Variants in NRXN1 observed in about 807,000 individuals in gnomAD.
The protein encoded by NRXN1 is neurexin-1.
NRXN1 carries 39 observed loss-of-function variants against 150.9 expected under a neutral mutation model. The observed-to-expected ratio is 0.26, with a 90% CI of 0.20 to 0.34. The LOEUF is 0.34. Among genes scored for constraint, NRXN1 ranks in the 10% least tolerant of loss-of-function variants. The probability of loss-of-function intolerance (pLI) is 1.00; values close to 1 mark genes in which losing one functional copy is unlikely to be tolerated. For synonymous variants in NRXN1, 924 were observed against 757.0 expected (o/e 1.22, Z -3.62); for missense variants, 1,815 against 1,949.9 (o/e 0.93, Z 1.30).
intron 2 of NRXN1, among the ~76,000 whole-genome samples, chr2:51,001,706 T>G (rs186956225): frequency 1.1e-4 from 17 of 152,110 alleles, no homozygotes; most frequent in Admixed American, 7.9e-4. Context: ...AACTGTCTCA[T>G]TTCATTCTTG....
At chr2:50,546,558 C>T (rs1241853860) in intron 9 of NRXN1, among the ~76,000 whole-genome samples, 2 of 151,806 alleles carry the variant, frequency 1.3e-5, no homozygotes, top group East Asian at 1.9e-4. Flanking sequence ...ACTCTAACTG[C>T]AACTATATAA....
At chr2:49,959,964 A>AT (rs201274880) in intron 21 of NRXN1, among the ~76,000 whole-genome samples, 2 of 152,050 alleles carry the variant, frequency 1.3e-5, no homozygotes, top group African/African-American at 2.4e-5. Flanking sequence ...ATGCAAATGT[A>AT]TTTTTTTTCC....
chr2:50,029,565 C>T lies in NRXN1; in HGVS notation c.4128+23706G>A, dbSNP rs540286139. 5.3e-5 allele frequency among the ~76,000 whole-genome samples: 8 copies of T among 152,234 alleles called. No homozygotes were observed. The East Asian group carries it at 1.2e-3, about 22-fold the overall frequency. Reference sequence around the variant, plus strand: ...ATGCTCTCCATCCTACACGCAGGAACTAAGGAAAGGCCATGTGGACACACA... The same window carrying T: ...ATGCTCTCCATCCTACACGCAGGAATTAAGGAAAGGCCATGTGGACACACA... On this transcript the variant is annotated intron_variant, in intron 21 of 22. Coordinates refer to ENST00000401669, the MANE Select transcript of NRXN1 (RefSeq NM_001330078.2).
intron 5 of NRXN1, among the ~76,000 whole-genome samples, chr2:50,692,316 GT>G (rs1420798313): frequency 2.0e-5 from 3 of 152,052 alleles, no homozygotes. Flanking sequence ...TTATTTTCTA[GT>G]GGTTTCTATT....
chr2:50,445,432 G>C (rs1188739301), intron 17 of NRXN1, among the ~76,000 whole-genome samples: 1 of 152,090 alleles, frequency 6.6e-6, no homozygotes, highest in East Asian at 1.9e-4. Context: ...TGCAGTCAAA[G>C]AAAAACAATT....
chr2:50,989,529 T>C (rs987161247), intron 2 of NRXN1, among the ~76,000 whole-genome samples: 1 of 151,976 alleles, frequency 6.6e-6, no homozygotes. Context: ...TTTTCCAGAA[T>C]ACCATAATAA....
At chr2:50,255,798 TG>T (rs1408502168) in intron 17 of NRXN1, among the ~76,000 whole-genome samples, 5 of 152,184 alleles carry the variant, frequency 3.3e-5, no homozygotes, top group Non-Finnish European at 5.9e-5. Context: ...TTATGACTCA[TG>T]AGGAAGAGAG....
intron 22 of NRXN1, among the ~76,000 whole-genome samples, chr2:49,936,297 A>AT (rs1020653764): frequency 6.6e-6 from 1 of 152,202 alleles, no homozygotes; most frequent in Non-Finnish European, 1.5e-5. Flanking sequence ...GACTGTGCTG[A>AT]TTTTTTACTC....
At chr2:50,248,846 G>A (rs921972301) in intron 17 of NRXN1, among the ~76,000 whole-genome samples, 1 of 152,052 alleles carries the variant, frequency 6.6e-6, no homozygotes, top group Non-Finnish European at 1.5e-5. Context: ...TGTATGTGTA[G>A]AAATTGGCAT....
rs370763117 is a variant in NRXN1 at position 49,919,832 on chromosome 2, T to C, written c.*2112A>G. The stretch of plus-strand genomic sequence containing the variant: ...AACCATAGATAGTGGTGATTTGCTA[T>C]GAATTATACATATTTCTAAGGTGCT... On this transcript the variant is annotated 3_prime_UTR_variant, in exon 23 of 23. Transcript: ENST00000401669. 9.8e-5 allele frequency: 15 copies of C among 152,304 alleles called. No individual in the cohort carries two copies. The highest frequency in any genetic ancestry group is 3.6e-4 in the African/African-American group (15 of 41,592). 9.4% of individuals were successfully genotyped at this position (152,304 alleles called of 1,614,324 possible). A position where few individuals can be genotyped will look rare whatever the true frequency, so the allele number is the denominator to read the frequency against.
intron 2 of NRXN1, among the ~76,000 whole-genome samples, chr2:50,949,075 TAAG>T (rs1690864125): frequency 1.3e-5 from 2 of 152,148 alleles, no homozygotes; most frequent in Non-Finnish European, 2.9e-5. Context: ...CATTTGTTAA[TAAG>T]AAGACTGTTC....
chr2:50,598,675 T>C (rs1675683106), intron 8 of NRXN1, among the ~76,000 whole-genome samples: 3 of 147,540 alleles, frequency 2.0e-5, no homozygotes, highest in South Asian at 4.2e-4. Flanking sequence ...TTCATATATA[T>C]GTGTATGTAT....
chr2:50,259,962 A>G (rs1250288058), intron 17 of NRXN1, among the ~76,000 whole-genome samples: 1 of 151,832 alleles, frequency 6.6e-6, no homozygotes, highest in Non-Finnish European at 1.5e-5. Context: ...AAACCCCTGC[A>G]TGTACAGATG....
At position 50,019,195 on chromosome 2, in the gene NRXN1, C is replaced by T. The variant is rs747678604; in HGVS notation, c.4128+34076G>A. The T allele has an allele frequency of 7.4e-5, 35 of 471,100 alleles. 1 individual carries two copies. The highest frequency in any genetic ancestry group is 4.4e-6 in the Non-Finnish European group (1 of 227,068). The allele number at this position is 471,100 out of a possible 1,614,324, so 29.2% of individuals were successfully genotyped here. ...AATGGAGAAATTTACATGTATTCAG[C>T]CCTAGCCGTCCTTCTAGTCATTCTC... On this transcript the variant is annotated intron_variant, in intron 21 of 22. Transcript: ENST00000401669.
At chr2:50,166,490 G>GAGCCC (rs1205709495) in intron 18 of NRXN1, among the ~76,000 whole-genome samples, 4 of 152,030 alleles carry the variant, frequency 2.6e-5, no homozygotes, top group African/African-American at 9.7e-5. Context: ...TCAAGATAAA[G>GAGCCC]AGCCCAGTCA....
intron 5 of NRXN1, among the ~76,000 whole-genome samples, chr2:50,640,812 C>T (rs1683973604): frequency 6.6e-6 from 1 of 152,142 alleles, no homozygotes; most frequent in Non-Finnish European, 1.5e-5. Context: ...CGTAGCCTAT[C>T]TCTAAAACTC....
chr2:50,570,263 C>A (rs79895140), intron 8 of NRXN1, among the ~76,000 whole-genome samples: 3 of 148,688 alleles, frequency 2.0e-5, no homozygotes, highest in South Asian at 2.1e-4. Context: ...GTACTGGGGG[C>A]GGGGGGAAGA....
At chr2:50,107,539 A>ATATTTTTTTT (rs59921941) in intron 18 of NRXN1, among the ~76,000 whole-genome samples, 3 of 129,884 alleles carry the variant, frequency 2.3e-5, no homozygotes, top group Non-Finnish European at 4.8e-5. Context: ...ATATATATAT[A>ATATTTTTTTT]TTTTTTTTTT....
intron 18 of NRXN1, among the ~76,000 whole-genome samples, chr2:50,134,984 C>T (rs1404187988): frequency 2.6e-5 from 4 of 152,138 alleles, no homozygotes; most frequent in Non-Finnish European, 5.9e-5. Context: ...TTCTTGTTCT[C>T]CCCCAACAAT....
Sources: allele counts gnomAD v4.1 joint callset (sites outside exome capture counted in the v4.1 genomes callset), GRCh38; gene constraint gnomAD v4.1.1; transcripts MANE v1.5; gene names NCBI Gene and HGNC (gene_info 2026-07-23, HGNC 2026-07-21).